Variants in EIF3B observed in about 807,000 individuals in gnomAD.
The protein encoded by EIF3B is eukaryotic translation initiation factor 3 subunit B.
A neutral mutation model predicts 104.6 loss-of-function variants in EIF3B; 10 were observed. That is an observed-to-expected ratio of 0.10 (90% CI 0.06 to 0.16). The LOEUF (loss-of-function observed/expected upper bound fraction) is 0.16. EIF3B is among the 10% of genes least tolerant of loss of function. EIF3B has a pLI of 1.00. For missense variants in EIF3B, 1,014 were observed against 1,087.9 expected (o/e 0.93, Z 0.96); for synonymous variants, 542 against 417.2 (o/e 1.30, Z -3.65).
intron 18 of EIF3B, 52 bp downstream of exon 18, chr7:2,379,563 T>G: frequency 8.6e-7 from 1 of 1,159,684 alleles, no homozygotes; most frequent in East Asian, 2.5e-5. Flanking sequence ...CTCATGCTGC[T>G]TCAGTTATCC....
Position 2,379,083 on chromosome 7 carries a change from G to A in EIF3B, c.2233-51G>A, listed in dbSNP as rs776172872. ...CGCCTGGGTGTGGGCTCTTCGCGAT[G>A]GGGAGGCACTTGTCTTACCAGTTCT... On this transcript the variant is annotated intron_variant, in intron 16 of 18. Transcript: ENST00000360876. 2.0e-6 allele frequency: 3 copies of A among 1,536,686 alleles called. No individual in the cohort carries two copies. In the South Asian group the frequency reaches 3.4e-5, roughly 17 times the overall value.
At chr7:2,365,875 C>T (rs559858822) in intron 6 of EIF3B, among the ~76,000 whole-genome samples, 19 of 152,142 alleles carry the variant, frequency 1.2e-4, no homozygotes, top group South Asian at 2.1e-4. Context: ...AGGGTCTCAC[C>T]ATGTCGGCCA....
At chr7:2,365,715 G>T (rs1216196198) in intron 6 of EIF3B, among the ~76,000 whole-genome samples, 1 of 142,740 alleles carries the variant, frequency 7.0e-6, no homozygotes, top group African/African-American at 2.6e-5. Flanking sequence ...TTCATGCGTC[G>T]CCCAGACTGG....
In EIF3B at chr7:2,374,589, G is replaced by A. The variant is rs764709473; in HGVS notation, c.1872G>A (p.Val624=). Residue 624 remains valine (V), a synonymous_variant, in exon 13 of 19, where the codon GTG becomes GTA. Coordinates refer to ENST00000360876, the MANE Select transcript of EIF3B (RefSeq NM_001037283.2). Reference sequence around the variant, plus strand: ...GGAGCCCCCAAGGACAGTTCGTGGTGTTGGCGGGCCTGAGGAGGTAGGTGT... The same window carrying A: ...GGAGCCCCCAAGGACAGTTCGTGGTATTGGCGGGCCTGAGGAGGTAGGTGT... ...IFWSPQGQFV[V]LAGLRSMNGA... The A allele has an allele frequency of 3.7e-6, 6 of 1,613,956 alleles. No individual in the cohort carries two copies. The Admixed American group carries it at 5.0e-5, about 13-fold the overall frequency.
chr7:2,354,792 C>CAG, upstream of EIF3B: 1 of 937,460 alleles, frequency 1.1e-6, no homozygotes, highest in Non-Finnish European at 1.3e-6. Flanking sequence ...GCCCCCCGCC[C>CAG]CGCGGCCTTG....
In EIF3B at chr7:2,355,011, A is replaced by T. The variant is rs1779313655; in HGVS notation, c.90A>T (p.Pro30=). ...GQQQPAAEPP[P]AEGLLRPAGP... ...AGCAGCCGGCCGCCGAGCCGCCGCCAGCCGAGGGGCTGCTGCGGCCCGCGG... is the reference window on the plus strand; with the variant it reads ...AGCAGCCGGCCGCCGAGCCGCCGCCTGCCGAGGGGCTGCTGCGGCCCGCGG... Residue 30 remains proline (P), a synonymous_variant, in exon 1 of 19, where the codon CCA becomes CCT. Coordinates refer to ENST00000360876, the MANE Select transcript of EIF3B (RefSeq NM_001037283.2). 1.7e-6 allele frequency: 2 copies of T among 1,184,662 alleles called. No individual in the cohort carries two copies. Among genetic ancestry groups the T allele is most frequent in the South Asian group, 4.0e-5 (1 of 25,272 alleles). 73.4% of individuals were successfully genotyped at this position (1,184,662 alleles called of 1,614,324 possible). A position where few individuals can be genotyped will look rare whatever the true frequency, so the allele number is the denominator to read the frequency against.
rs778879496 is a variant in EIF3B, at chr7:2,360,723, T to C, written c.513T>C (p.Asp171=). ...DDVSEEELLG[D]VLKDRPQEAD... The stretch of plus-strand genomic sequence containing the variant: ...TCTCTTGTTCAGAATTACTGGGAGA[T>C]GTACTCAAAGATCGGCCCCAGGAAG... The change falls in exon 2 of 19, where the codon GAT becomes GAC. Residue 171 remains aspartate, a synonymous_variant. Coordinates refer to ENST00000360876, the MANE Select transcript of EIF3B (RefSeq NM_001037283.2). 6.3e-7 allele frequency: 1 copy of C among 1,587,172 alleles called. No homozygotes were observed. Among genetic ancestry groups the C allele is most frequent in the South Asian group, 1.1e-5 (1 of 89,402 alleles).
chr7:2,363,777 GC>G lies in EIF3B; in HGVS notation c.999+18del, dbSNP rs766473681. On this transcript the variant is annotated intron_variant, in intron 5 of 18. Coordinates refer to ENST00000360876, the MANE Select transcript of EIF3B (RefSeq NM_001037283.2). ...GAAAGAGCGGTGTGTATTTGCTGCT[GC>G]TGGGGGCGGGGACTCACCTCTCCTG... The G allele has an allele frequency of 8.1e-6, 13 of 1,610,200 alleles. No individual in the cohort carries two copies. In the Admixed American group the frequency reaches 1.3e-4, roughly 17 times the overall value.
intron 16 of EIF3B, 82 bp from the exon 17 acceptor site, chr7:2,379,052 A>G (rs1219849566): frequency 2.5e-6 from 3 of 1,208,282 alleles, no homozygotes; most frequent in Middle Eastern, 2.2e-4. Context: ...TCCTTCTGGC[A>G]CCGTCCGCCT....
At chr7:2,354,355 A>G (rs1038136045), upstream of EIF3B, 1 of 152,258 alleles carries the variant, frequency 6.6e-6, no homozygotes, top group Non-Finnish European at 1.5e-5. Context: ...ACAGACACGG[A>G]CAGGGGGGAC....
At chr7:2,361,532 G>C (rs1419824877) in intron 2 of EIF3B, among the ~76,000 whole-genome samples, 1 of 151,834 alleles carries the variant, frequency 6.6e-6, no homozygotes, top group Non-Finnish European at 1.5e-5. Flanking sequence ...CTATTCTCCC[G>C]CCTCAGCCTC....
At chr7:2,376,630 C>G in intron 14 of EIF3B, 1 of 291,176 alleles carries the variant, frequency 3.4e-6, no homozygotes, top group South Asian at 5.2e-5. Flanking sequence ...CAGTTTAAAT[C>G]CAGCACGGGG....
At chr7:2,370,897 A>G in intron 10 of EIF3B, among the ~76,000 whole-genome samples, 1 of 152,154 alleles carries the variant, frequency 6.6e-6, no homozygotes, top group South Asian at 2.1e-4. Context: ...CCCCGTCTCT[A>G]CTAAAAATGC....
At chr7:2,355,940 A>T (rs959001508) in intron 1 of EIF3B, among the ~76,000 whole-genome samples, 1 of 152,192 alleles carries the variant, frequency 6.6e-6, no homozygotes, top group African/African-American at 2.4e-5. Context: ...GCACCCTGTG[A>T]AATTCCAGTT....
rs112295665 is a variant in EIF3B, at chr7:2,369,689, A to G, written c.1614+7A>G. 1 of 1,600,942 alleles carries G rather than the reference A, an allele frequency of 6.2e-7. No individual in the cohort carries two copies. The highest frequency in any genetic ancestry group is 2.3e-5 in the East Asian group (1 of 44,216). ...GACTCCGAAAGGCACCCAGGTATGT[A>G]GATTCCCACAGGAACTGACGATTCC... is the stretch of plus-strand genomic sequence containing the variant. On this transcript the variant is annotated splice_region_variant and intron_variant, in intron 10 of 18. Coordinates refer to ENST00000360876, the MANE Select transcript of EIF3B (RefSeq NM_001037283.2).
rs1013037148 is a variant in EIF3B, at chr7:2,372,968, C to T, written c.1810+173C>T. 32 of 515,950 alleles carry T rather than the reference C, an allele frequency of 6.2e-5. No individual in the cohort carries two copies. The East Asian group carries it at 8.5e-4, about 14-fold the overall frequency. The allele number at this position is 515,950 out of a possible 1,614,324, so 32.0% of individuals were successfully genotyped here. ...GAAGTGAGCGATGGCCTGGAGGTGC[C>T]GCCTCCTTGCAGGGTGTCTCTCTGA... is the stretch of plus-strand genomic sequence containing the variant. On this transcript the variant is annotated intron_variant, in intron 12 of 18. Transcript: ENST00000360876.
Position 2,379,507 on chromosome 7 carries a change from CTG to C in EIF3B, c.*13_*14del. The C allele has an allele frequency of 6.4e-7, 1 of 1,558,114 alleles. No homozygotes were observed. Among genetic ancestry groups the C allele is most frequent in the African/African-American group, 1.4e-5 (1 of 73,840 alleles). ...CGGGAATCAGGAGTGACCTGGAGCA[CTG>C]TGGTGAGCGTCTGCAGGGGGCGCGA... is the stretch of plus-strand genomic sequence containing the variant. On this transcript the variant is annotated splice_region_variant and 3_prime_UTR_variant, in exon 18 of 19. Coordinates refer to ENST00000360876, the MANE Select transcript of EIF3B (RefSeq NM_001037283.2).
At chr7:2,355,593 C>T (rs1339726773) in intron 1 of EIF3B, among the ~76,000 whole-genome samples, 173 bp downstream of exon 1, 1 of 152,154 alleles carries the variant, frequency 6.6e-6, no homozygotes, top group African/African-American at 2.4e-5. Context: ...TGGAAGTGTT[C>T]TGAGAGCCCA....
chr7:2,356,355 G>A (rs907263402), intron 1 of EIF3B, among the ~76,000 whole-genome samples: 2 of 152,158 alleles, frequency 1.3e-5, no homozygotes, highest in Non-Finnish European at 2.9e-5. Context: ...GCTCACGCCT[G>A]TAATCCCAGC....
Sources: allele counts gnomAD v4.1 joint callset (sites outside exome capture counted in the v4.1 genomes callset), GRCh38; gene constraint gnomAD v4.1.1; transcripts MANE v1.5; gene names NCBI Gene and HGNC (gene_info 2026-07-23, HGNC 2026-07-21).